STXBP5L: variants seen among roughly 807,000 people sequenced by gnomAD.
STXBP5L encodes the protein syntaxin-binding protein 5-like.
STXBP5L carries 65 observed loss-of-function variants against 144.5 expected under a neutral mutation model. The ratio of observed to expected loss-of-function variants is 0.45; its 90% CI spans 0.37 to 0.55. STXBP5L has a LOEUF of 0.55. STXBP5L is among the 20% of genes least tolerant of loss of function. STXBP5L has a pLI of 0.00. For synonymous variants in STXBP5L, 505 were observed against 469.6 expected (o/e 1.08, Z -0.97); for missense variants, 1,298 against 1,405.5 (o/e 0.92, Z 1.22).
chr3:121,108,570 T>C (rs1440008476), intron 5 of STXBP5L, among the ~76,000 whole-genome samples: 1 of 152,212 alleles, frequency 6.6e-6, no homozygotes, highest in Admixed American at 6.5e-5. Context: ...GAAGCCAGCT[T>C]GATCGTGGTA....
At chr3:121,033,279 G>A (rs1946503714) in intron 3 of STXBP5L, among the ~76,000 whole-genome samples, 1 of 125,744 alleles carries the variant, frequency 8.0e-6, no homozygotes, top group Admixed American at 8.6e-5. Context: ...TAGGGACATG[G>A]ATGAAATTGG....
chr3:121,179,663 C>A (rs369332246), intron 9 of STXBP5L, among the ~76,000 whole-genome samples: 1 of 151,584 alleles, frequency 6.6e-6, no homozygotes, highest in Admixed American at 6.6e-5. Flanking sequence ...AAGGTGAAAA[C>A]GAACTTAAAG....
At chr3:121,187,071 C>T (rs571513644) in intron 9 of STXBP5L, among the ~76,000 whole-genome samples, 3 of 152,072 alleles carry the variant, frequency 2.0e-5, no homozygotes, top group South Asian at 2.1e-4. Context: ...TGGGTATATA[C>T]CCAAAGGATA....
rs1016914743 is a variant in STXBP5L, at chr3:121,423,091, A to G, written c.*3994A>G. The G allele has an allele frequency of 6.6e-6, 1 of 152,186 alleles. No homozygotes were observed. 9.4% of individuals were successfully genotyped at this position (152,186 alleles called of 1,614,324 possible). ...ATCTGTGTGATTACAACCTGCTGCT[A>G]TGAGAAAAAAGAATTGTAACTTGAC... On this transcript the variant is annotated 3_prime_UTR_variant, in exon 27 of 27. Transcript: ENST00000471454.
intron 7 of STXBP5L, among the ~76,000 whole-genome samples, chr3:121,125,386 G>T (rs752544366): frequency 1.3e-5 from 2 of 151,978 alleles, no homozygotes; most frequent in Non-Finnish European, 2.9e-5. Context: ...CAAGAGAATT[G>T]CTTGAACCCA....
At chr3:120,974,263 G>A (rs1326070341) in intron 3 of STXBP5L, among the ~76,000 whole-genome samples, 1 of 152,072 alleles carries the variant, frequency 6.6e-6, no homozygotes, top group African/African-American at 2.4e-5. Context: ...ATCTCATTGT[G>A]GTTTTGATTT....
chr3:120,974,823 T>C (rs1940751054), intron 3 of STXBP5L, among the ~76,000 whole-genome samples: 1 of 152,300 alleles, frequency 6.6e-6, no homozygotes, highest in East Asian at 1.9e-4. Flanking sequence ...TTCTTGTTTT[T>C]GTCAGGTTTG....
intron 6 of STXBP5L, among the ~76,000 whole-genome samples, chr3:121,120,479 T>C (rs1276773856): frequency 6.6e-6 from 1 of 151,294 alleles, no homozygotes; most frequent in Non-Finnish European, 1.5e-5. Context: ...ATACTATTTA[T>C]TGAATGCACA....
At chr3:121,201,419 AGATGGGTCTCCTGATGCAGCACATC>A (rs2048133878) in intron 9 of STXBP5L, among the ~76,000 whole-genome samples, 1 of 152,150 alleles carries the variant, frequency 6.6e-6, no homozygotes, top group Non-Finnish European at 1.5e-5. Flanking sequence ...TTTACATGTG[AGATGGGTCTCCTGATGCAGCACATC>A]GATGGGTCTT....
At chr3:121,109,802 A>G (rs779506700) in intron 5 of STXBP5L, among the ~76,000 whole-genome samples, 7 of 152,262 alleles carry the variant, frequency 4.6e-5, no homozygotes, top group Non-Finnish European at 8.8e-5. Context: ...TCTAATATTG[A>G]CAGTGAAATA....
intron 7 of STXBP5L, among the ~76,000 whole-genome samples, chr3:121,150,305 T>C (rs1389817266): frequency 6.6e-6 from 1 of 152,130 alleles, no homozygotes; most frequent in African/African-American, 2.4e-5. Context: ...TTAAAAAATA[T>C]GTATATATAA....
Position 121,036,081 on chromosome 3 carries a change from C to A in STXBP5L, c.288-5619C>A, listed in dbSNP as rs138512161. On this transcript the variant is annotated intron_variant, in intron 3 of 26. Transcript: ENST00000471454. ...GGGCATGGTGGCTCACAACTGTAATCCAGCACTTTGGGCGGCTGAGGTGGG... is the reference window on the plus strand; with the variant it reads ...GGGCATGGTGGCTCACAACTGTAATACAGCACTTTGGGCGGCTGAGGTGGG... Among the ~76,000 whole-genome samples, 1,207 of 152,144 alleles carry A rather than the reference C, an allele frequency of 7.9e-3. 7 individuals are homozygous for A. The highest frequency in any genetic ancestry group is 0.011 in the Non-Finnish European group (759 of 67,968).
intron 3 of STXBP5L, among the ~76,000 whole-genome samples, chr3:121,011,013 G>T (rs1320853463): frequency 6.7e-6 from 1 of 150,196 alleles, no homozygotes; most frequent in Non-Finnish European, 1.5e-5. Flanking sequence ...TATTATTTGG[G>T]TTCAGTAGGG....
Position 121,257,229 on chromosome 3 carries a change from G to C in STXBP5L, c.1728G>C (p.Pro576=), listed in dbSNP as rs757374953. The change falls in exon 17 of 27, where the codon CCG becomes CCC. Residue 576 remains proline (P), a synonymous_variant. Coordinates refer to ENST00000471454, the MANE Select transcript of STXBP5L (RefSeq NM_001308330.2). The part of the protein sequence containing the change: ...IITPEPETSP[P]FPDLSAQLPS... ...CCCCTGAACCAGAAACAAGTCCTCC[G>C]TTTCCAGATCTCTCAGCCCAGCTTC... The C allele has an allele frequency of 6.2e-7, 1 of 1,613,748 alleles. No homozygotes were observed. The highest frequency in any genetic ancestry group is 8.5e-7 in the Non-Finnish European group (1 of 1,179,754).
At chr3:121,237,869 A>G (rs1440610579) in intron 12 of STXBP5L, among the ~76,000 whole-genome samples, 1 of 152,218 alleles carries the variant, frequency 6.6e-6, no homozygotes, top group Non-Finnish European at 1.5e-5. Context: ...ACAGTGCAAC[A>G]ATGGGGATAT....
At chr3:121,230,354 TG>T (rs754528384) in intron 11 of STXBP5L, among the ~76,000 whole-genome samples, 35 of 151,756 alleles carry the variant, frequency 2.3e-4, no homozygotes, top group Non-Finnish European at 7.4e-5. Context: ...GAAAAGTGCC[TG>T]GTCTTATTTG....
intron 5 of STXBP5L, among the ~76,000 whole-genome samples, chr3:121,055,155 A>G (rs1948361826): frequency 6.6e-6 from 1 of 152,214 alleles, no homozygotes; most frequent in South Asian, 2.1e-4. Context: ...TTATCTCTTA[A>G]GAAAGATACA....
chr3:121,370,183 T>A (rs917045308), intron 20 of STXBP5L, among the ~76,000 whole-genome samples: 15 of 152,098 alleles, frequency 9.9e-5, no homozygotes, highest in African/African-American at 3.6e-4. Flanking sequence ...CTGGCCAACA[T>A]GGTGAAACCC....
chr3:121,055,498 T>C (rs954029152), intron 5 of STXBP5L, among the ~76,000 whole-genome samples: 5 of 152,042 alleles, frequency 3.3e-5, no homozygotes, highest in Non-Finnish European at 7.4e-5. Flanking sequence ...CTTTCATTAT[T>C]ATTATTACTA....
Sources: gnomAD v4.1 joint callset for allele counts (sites outside exome capture counted in the v4.1 genomes callset) on GRCh38, gnomAD v4.1.1 for gene constraint, MANE v1.5 for transcripts, NCBI Gene and HGNC (gene_info 2026-07-23, HGNC 2026-07-21) for gene names.